ANKFN1: variants seen among roughly 807,000 people sequenced by gnomAD.
The protein encoded by ANKFN1 is ankyrin repeat and fibronectin type III domain containing 1.
In ANKFN1, 74 loss-of-function variants were observed where a neutral mutation model predicts 108.7. That is an observed-to-expected ratio of 0.68 (90% confidence interval 0.56 to 0.83). The LOEUF (loss-of-function observed/expected upper bound fraction) is 0.83, where lower values mean the gene tolerates loss of function less well. Among genes scored for constraint, ANKFN1 ranks in the 40% least tolerant of loss-of-function variants. ANKFN1 has a pLI of 0.00. For missense variants in ANKFN1, 1,505 were observed against 1,382.3 expected, an observed-to-expected ratio of 1.09 and a Z score of -1.41; for synonymous variants, 547 against 516.2, an observed-to-expected ratio of 1.06 and a Z score of -0.81.
At chr17:56,202,873 C>G (rs902159916) in intron 1 of ANKFN1, among the ~76,000 whole-genome samples, 1 of 152,100 alleles carries the variant, frequency 6.6e-6, no homozygotes, top group Non-Finnish European at 1.5e-5. Flanking sequence ...AAAATCAAAA[C>G]TGTATTTATA....
chr17:56,245,105 A>G (rs1013725740), intron 3 of ANKFN1, among the ~76,000 whole-genome samples: 2 of 152,092 alleles, frequency 1.3e-5, no homozygotes, highest in Non-Finnish European at 1.5e-5. Flanking sequence ...TCAGTAGTCT[A>G]TTTCTGTAAT....
intron 6 of ANKFN1, among the ~76,000 whole-genome samples, chr17:56,371,789 A>G (rs959451860): frequency 3.3e-5 from 5 of 152,218 alleles, no homozygotes; most frequent in African/African-American, 1.2e-4. Context: ...AAAGGGAGAC[A>G]TACATTCCTT....
chr17:56,383,917 C>T (rs763426419), intron 8 of ANKFN1, among the ~76,000 whole-genome samples: 6 of 152,190 alleles, frequency 3.9e-5, no homozygotes, highest in African/African-American at 1.4e-4. Flanking sequence ...GAACTGGTAC[C>T]ATTACTTCTC....
intron 4 of ANKFN1, among the ~76,000 whole-genome samples, chr17:56,131,928 T>C (rs1039387865): frequency 6.6e-6 from 1 of 152,218 alleles, no homozygotes; most frequent in Non-Finnish European, 1.5e-5. Flanking sequence ...CTCTGAGGAA[T>C]AGAATTATTC....
At chr17:56,426,789 C>T (rs183525001) in intron 8 of ANKFN1, among the ~76,000 whole-genome samples, 94 of 152,228 alleles carry the variant, frequency 6.2e-4, no homozygotes, top group African/African-American at 2.2e-3. Context: ...CTTGAGAATC[C>T]CCCAAAAAAG....
At chr17:56,288,861 C>T (rs2044288166) in intron 3 of ANKFN1, among the ~76,000 whole-genome samples, 1 of 152,178 alleles carries the variant, frequency 6.6e-6, no homozygotes, top group South Asian at 2.1e-4. Flanking sequence ...CTACCTCTGA[C>T]CTTCTTCTCC....
chr17:56,383,569 T>C (rs1329569921), intron 8 of ANKFN1, among the ~76,000 whole-genome samples: 2 of 151,874 alleles, frequency 1.3e-5, no homozygotes, highest in Admixed American at 6.6e-5. Flanking sequence ...TCAACAAAAT[T>C]GATAGACCAC....
intron 3 of ANKFN1, among the ~76,000 whole-genome samples, chr17:56,267,387 CT>C (rs2043680752): frequency 6.6e-6 from 1 of 152,122 alleles, no homozygotes; most frequent in African/African-American, 2.4e-5. Flanking sequence ...TTGATAGTTA[CT>C]TTTGCTGTGC....
At chr17:56,418,692 G>A (rs995221056) in intron 8 of ANKFN1, among the ~76,000 whole-genome samples, 17 of 151,812 alleles carry the variant, frequency 1.1e-4, no homozygotes, top group African/African-American at 3.9e-4. Context: ...GAAAGGTGAA[G>A]GGACTTTCTC....
At position 56,510,611 on chromosome 17, in the gene ANKFN1, C is replaced by T. The variant is rs2051715903; in HGVS notation, c.2783C>T (p.Thr928Ile). The change falls in exon 21 of 21, where the codon ACC becomes ATC. Residue 928 changes from threonine (T) to isoleucine (I), a missense_variant. By Grantham distance (89) the Thr-to-Ile change is moderately conservative. Transcript: ENST00000682825. ...TCATCTCACGACATTGCGCAGCAGA[C>T]CCTTAGCGGCCTAAGCGGCAGCGCC... ...YLSSHDIAQQ[T>I]LSGLSGSAPD... 2.6e-6 allele frequency: 4 copies of T among 1,536,210 alleles called. No individual in the cohort carries two copies. The South Asian group carries it at 4.8e-5, about 18-fold the overall frequency.
intron 10 of ANKFN1, among the ~76,000 whole-genome samples, chr17:56,446,711 C>A (rs2049303831): frequency 6.6e-6 from 1 of 152,112 alleles, no homozygotes; most frequent in South Asian, 2.1e-4. Context: ...CAAGACCAGT[C>A]TGGCCAACAT....
chr17:56,404,346 C>T (rs1295457699), intron 8 of ANKFN1, among the ~76,000 whole-genome samples: 2 of 151,976 alleles, frequency 1.3e-5, no homozygotes, highest in African/African-American at 4.8e-5. Flanking sequence ...TTCTTGGAGG[C>T]CTTGTTCATA....
chr17:56,349,323 A>C (rs2046187695), intron 4 of ANKFN1, among the ~76,000 whole-genome samples: 1 of 151,812 alleles, frequency 6.6e-6, no homozygotes, highest in African/African-American at 2.4e-5. Context: ...GCAGCAAACC[A>C]CCATAGCACA....
At chr17:56,410,385 A>G (rs1385998844) in intron 8 of ANKFN1, among the ~76,000 whole-genome samples, 1 of 152,140 alleles carries the variant, frequency 6.6e-6, no homozygotes, top group Non-Finnish European at 1.5e-5. Flanking sequence ...ATGAGCCACC[A>G]TGCCAGGCCT....
intron 14 of ANKFN1, among the ~76,000 whole-genome samples, chr17:56,458,392 A>G (rs1010564180): frequency 3.3e-5 from 5 of 152,148 alleles, no homozygotes; most frequent in Admixed American, 2.6e-4. Context: ...GAGTATATGA[A>G]GATGGAAAAA....
At chr17:56,396,675 T>A (rs1042990483) in intron 8 of ANKFN1, among the ~76,000 whole-genome samples, 8 of 152,182 alleles carry the variant, frequency 5.3e-5, no homozygotes, top group Non-Finnish European at 1.2e-4. Context: ...GTCAGGACTT[T>A]ATAGGCATTG....
intron 1 of ANKFN1, among the ~76,000 whole-genome samples, chr17:56,154,330 C>G (rs973929790): frequency 7.2e-5 from 11 of 152,058 alleles, no homozygotes; most frequent in African/African-American, 2.4e-4. Context: ...CTTCACTTCC[C>G]CTCAGGAGTT....
intron 3 of ANKFN1, among the ~76,000 whole-genome samples, chr17:56,283,524 G>GAT (rs567333825): frequency 0.016 from 2,271 of 141,572 alleles, 114 homozygotes; most frequent in South Asian, 0.04. Context: ...AAGAAACTGT[G>GAT]ATATATATAT....
At chr17:56,248,676 A>G (rs1001374398) in intron 3 of ANKFN1, among the ~76,000 whole-genome samples, 1 of 152,184 alleles carries the variant, frequency 6.6e-6, no homozygotes, top group Non-Finnish European at 1.5e-5. Flanking sequence ...CTGCCCAGGA[A>G]TGACTCTACG....
Sources: allele counts gnomAD v4.1 joint callset (sites outside exome capture counted in the v4.1 genomes callset), GRCh38; gene constraint gnomAD v4.1.1; transcripts MANE v1.5; gene names NCBI Gene and HGNC (gene_info 2026-07-23, HGNC 2026-07-21).